Variants in FHIT observed in about 807,000 individuals in gnomAD.
FHIT encodes fragile histidine triad diadenosine triphosphatase, also known as bis(5'-adenosyl)-triphosphatase.
A neutral mutation model predicts 17.9 loss-of-function variants in FHIT; 19 were observed. The observed-to-expected ratio is 1.06, with a 90% CI of 0.74 to 1.56. The LOEUF is 1.56. FHIT is among the 40% of genes most tolerant of loss of function. FHIT has a pLI of 0.00. For synonymous variants in FHIT, 81 were observed against 69.7 expected, an observed-to-expected ratio of 1.16 and a Z score of -0.81; for missense variants, 248 against 189.2, an observed-to-expected ratio of 1.31 and a Z score of -1.82.
At chr3:60,040,354 CAGGATG>C (rs1701387334) in intron 5 of FHIT, among the ~76,000 whole-genome samples, 1 of 152,076 alleles carries the variant, frequency 6.6e-6, no homozygotes, top group Admixed American at 6.6e-5. Flanking sequence ...CCATGTTGGT[CAGGATG>C]GTCTCGATCT....
At chr3:60,314,365 T>C (rs1709076459) in intron 5 of FHIT, among the ~76,000 whole-genome samples, 1 of 152,172 alleles carries the variant, frequency 6.6e-6, no homozygotes. Context: ...ATCTGACAGT[T>C]AACTGTAGGC....
chr3:61,008,465 G>A (rs1001001031), intron 3 of FHIT, among the ~76,000 whole-genome samples: 3 of 151,904 alleles, frequency 2.0e-5, no homozygotes, highest in African/African-American at 7.3e-5. Flanking sequence ...AACAAAAGGA[G>A]TCTGGGGCTA....
intron 5 of FHIT, among the ~76,000 whole-genome samples, chr3:60,356,408 G>A (rs990815597): frequency 6.6e-6 from 1 of 152,064 alleles, no homozygotes; most frequent in African/African-American, 2.4e-5. Flanking sequence ...AGACAATGTA[G>A]GAGAACTTAA....
chr3:60,509,167 G>A (rs2034848727), intron 5 of FHIT, among the ~76,000 whole-genome samples: 1 of 152,122 alleles, frequency 6.6e-6, no homozygotes, highest in South Asian at 2.1e-4. Context: ...CGTGCTCCAG[G>A]AATGTGACTC....
intron 4 of FHIT, among the ~76,000 whole-genome samples, chr3:60,799,745 T>C (rs1701121349): frequency 6.6e-6 from 1 of 152,224 alleles, no homozygotes; most frequent in South Asian, 2.1e-4. Context: ...TGTAAGTCCA[T>C]TCAGTCTAAT....
chr3:60,236,469 A>T (rs979390178), intron 5 of FHIT, among the ~76,000 whole-genome samples: 2 of 151,990 alleles, frequency 1.3e-5, no homozygotes, highest in Non-Finnish European at 2.9e-5. Flanking sequence ...CCCCAGTAGA[A>T]TTTTTCTATT....
intron 4 of FHIT, among the ~76,000 whole-genome samples, chr3:60,627,958 C>T (rs782529199): frequency 1.3e-5 from 2 of 152,146 alleles, no homozygotes; most frequent in East Asian, 3.8e-4. Context: ...TTTCTATTCT[C>T]TATTTCATTA....
intron 4 of FHIT, among the ~76,000 whole-genome samples, chr3:60,689,746 A>G (rs2040943488): frequency 6.6e-6 from 1 of 152,192 alleles, no homozygotes; most frequent in Admixed American, 6.5e-5. Flanking sequence ...TAGAAAAATG[A>G]GAATTTGTCA....
At chr3:60,080,675 T>TCC (rs1703240575) in intron 5 of FHIT, 1 of 151,798 alleles carries the variant, frequency 6.6e-6, no homozygotes, top group Non-Finnish European at 1.5e-5. Flanking sequence ...ATTCATAAAG[T>TCC]CCCCGAGAAA....
intron 4 of FHIT, among the ~76,000 whole-genome samples, chr3:60,719,191 A>G (rs949870569): frequency 1.3e-5 from 2 of 152,184 alleles, no homozygotes; most frequent in Non-Finnish European, 2.9e-5. Context: ...ATAAGAACAA[A>G]TTATTACCCT....
intron 1 of FHIT, among the ~76,000 whole-genome samples, chr3:61,226,917 A>T (rs979904578): frequency 6.6e-5 from 10 of 152,208 alleles, no homozygotes; most frequent in Non-Finnish European, 4.4e-5. Context: ...CTGCCCTCTT[A>T]GAGTTTACAG....
chr3:60,561,147 A>G (rs1158870708), intron 4 of FHIT, among the ~76,000 whole-genome samples: 29 of 151,994 alleles, frequency 1.9e-4, no homozygotes, highest in Admixed American at 1.9e-3. Context: ...ACACCAAACC[A>G]AACCAAAACA....
rs180769668 is a variant in FHIT, at chr3:60,941,125, T to C, written c.-111+100922A>G. ...TTAACTTTTTAAAAAAATTAAGTCA[T>C]CAAAATCCAGCATGTATATTCCACT... On this transcript the variant is annotated intron_variant, in intron 3 of 9. Coordinates refer to ENST00000492590, the MANE Select transcript of FHIT (RefSeq NM_002012.4). Among the ~76,000 whole-genome samples the C allele has an allele frequency of 3.3e-3, 496 of 152,298 alleles. 2 individuals carry two copies. The highest frequency in any genetic ancestry group is 0.011 in the African/African-American group (476 of 41,560).
At chr3:60,653,667 T>TA (rs34095991) in intron 4 of FHIT, among the ~76,000 whole-genome samples, 268 of 149,994 alleles carry the variant, frequency 1.8e-3, no homozygotes, top group Non-Finnish European at 2.8e-3. Context: ...TCCTGAAAAG[T>TA]AAAAAAAAAA....
At chr3:61,087,475 A>G (rs1405841768) in intron 2 of FHIT, among the ~76,000 whole-genome samples, 1 of 152,186 alleles carries the variant, frequency 6.6e-6, no homozygotes, top group African/African-American at 2.4e-5. Context: ...TAAAATGGGG[A>G]TAATGGTAGA....
chr3:60,991,223 A>C (rs1390018870), intron 3 of FHIT, among the ~76,000 whole-genome samples: 1 of 152,198 alleles, frequency 6.6e-6, no homozygotes, highest in Non-Finnish European at 1.5e-5. Flanking sequence ...AGGAATGGCA[A>C]ATGCAAAGGC....
intron 8 of FHIT, among the ~76,000 whole-genome samples, chr3:59,885,108 C>CT (rs1182255888): frequency 6.6e-6 from 1 of 152,122 alleles, no homozygotes; most frequent in Non-Finnish European, 1.5e-5. Flanking sequence ...CAAATCCTTC[C>CT]TTTTATTATC....
chr3:60,915,492 G>T (rs1706951707), intron 3 of FHIT, among the ~76,000 whole-genome samples: 1 of 152,132 alleles, frequency 6.6e-6, no homozygotes, highest in Non-Finnish European at 1.5e-5. Context: ...ATACCCATTA[G>T]ATATTCAATA....
chr3:60,624,994 C>G (rs994356855), intron 4 of FHIT, among the ~76,000 whole-genome samples: 1 of 152,040 alleles, frequency 6.6e-6, no homozygotes, highest in Non-Finnish European at 1.5e-5. Flanking sequence ...CTGCAATCTC[C>G]GCCTCTCAGG....
Sources: gnomAD v4.1 joint callset for allele counts (sites outside exome capture counted in the v4.1 genomes callset) on GRCh38, gnomAD v4.1.1 for gene constraint, MANE v1.5 for transcripts, NCBI Gene and HGNC (gene_info 2026-07-23, HGNC 2026-07-21) for gene names.